Variants in ST18 observed in about 807,000 individuals in gnomAD.
ST18 encodes ST18 C2H2C-type zinc finger transcription factor.
In ST18, 50 loss-of-function variants were observed where a neutral mutation model predicts 110.0. That is an observed-to-expected ratio of 0.45 (90% confidence interval 0.36 to 0.58). ST18 has a LOEUF of 0.58. ST18 is among the 20% of genes least tolerant of loss of function. The pLI is 0.00. For synonymous variants in ST18, 461 were observed against 452.4 expected, an observed-to-expected ratio of 1.02 and a Z score of -0.24; for missense variants, 1,306 against 1,280.1, an observed-to-expected ratio of 1.02 and a Z score of -0.31.
At chr8:52,240,518 G>A (rs2093295767) in intron 2 of ST18, among the ~76,000 whole-genome samples, 1 of 151,948 alleles carries the variant, frequency 6.6e-6, no homozygotes, top group African/African-American at 2.4e-5. Context: ...TCTAAGGATG[G>A]GTTCTCCACT....
intron 2 of ST18, chr8:52,406,869 G>A (rs1313893745): frequency 5.3e-5 from 8 of 152,200 alleles, no homozygotes; most frequent in Non-Finnish European, 8.8e-5. Context: ...AAGATCTGAA[G>A]TTAACAGGAG....
intron 9 of ST18, among the ~76,000 whole-genome samples, chr8:52,176,116 G>A (rs2066841422): frequency 1.3e-5 from 2 of 151,978 alleles, no homozygotes; most frequent in Admixed American, 1.3e-4. Flanking sequence ...CCGCCTCCCA[G>A]GTACAAGTGA....
At chr8:52,113,420 G>A in intron 25 of ST18, 82 bp from the exon 26 acceptor site, 4 of 1,550,956 alleles carry the variant, frequency 2.6e-6, no homozygotes, top group Non-Finnish European at 3.5e-6. Flanking sequence ...TCGAAGATCA[G>A]TGATCCGGGA....
intron 8 of ST18, among the ~76,000 whole-genome samples, chr8:52,195,918 T>C (rs2076055802): frequency 6.6e-6 from 1 of 152,190 alleles, no homozygotes; most frequent in Admixed American, 6.5e-5. Flanking sequence ...TATTTGTATA[T>C]ATCATCTCAG....
intron 2 of ST18, among the ~76,000 whole-genome samples, chr8:52,271,384 T>C (rs1229818428): frequency 6.6e-6 from 1 of 152,196 alleles, no homozygotes; most frequent in East Asian, 1.9e-4. Flanking sequence ...TGGTGTTGAA[T>C]AGCTTTCAAA....
chr8:52,203,736 T>A (rs547007988), intron 8 of ST18, among the ~76,000 whole-genome samples: 1 of 152,298 alleles, frequency 6.6e-6, no homozygotes, highest in Admixed American at 6.5e-5. Flanking sequence ...AGATAGGCAG[T>A]CAAATAATTT....
chr8:52,313,915 G>A (rs146118562), intron 2 of ST18, among the ~76,000 whole-genome samples: 1,570 of 152,320 alleles, frequency 0.01, 20 homozygotes, highest in Admixed American at 0.029. Context: ...AAGGAAAAGT[G>A]GAGACCCTTG....
chr8:52,242,645 C>G (rs1474629807), intron 2 of ST18, among the ~76,000 whole-genome samples: 5 of 152,056 alleles, frequency 3.3e-5, no homozygotes, highest in Non-Finnish European at 1.5e-5. Flanking sequence ...TCAAGACCAG[C>G]CTGCCTGGCC....
intron 2 of ST18, among the ~76,000 whole-genome samples, chr8:52,273,432 C>T (rs1270558915): frequency 1.3e-5 from 2 of 152,162 alleles, no homozygotes; most frequent in Admixed American, 1.3e-4. Flanking sequence ...TGAGAGCCCC[C>T]AGACCCCCAA....
At chr8:52,193,755 C>G (rs2075316699) in intron 8 of ST18, among the ~76,000 whole-genome samples, 1 of 152,188 alleles carries the variant, frequency 6.6e-6, no homozygotes, top group Non-Finnish European at 1.5e-5. Context: ...TTCACTTTTA[C>G]CCAGTGAGGA....
chr8:52,348,990 T>C (rs756166582), intron 2 of ST18, among the ~76,000 whole-genome samples: 3 of 151,990 alleles, frequency 2.0e-5, no homozygotes, highest in Non-Finnish European at 4.4e-5. Flanking sequence ...TTGACCAACA[T>C]CTCCCCCATG....
intron 2 of ST18, among the ~76,000 whole-genome samples, chr8:52,283,177 C>T (rs2095414721): frequency 6.6e-6 from 1 of 152,136 alleles, no homozygotes; most frequent in Non-Finnish European, 1.5e-5. Context: ...AAAGATGGCT[C>T]CAAAGTTTTG....
At chr8:52,152,231 G>A (rs543823667) in intron 15 of ST18, among the ~76,000 whole-genome samples, 102 of 152,244 alleles carry the variant, frequency 6.7e-4, no homozygotes, top group South Asian at 2.3e-3. Context: ...ACCAGAGAAG[G>A]GTCCCTTTCT....
chr8:52,321,272 C>G (rs1803786468), intron 2 of ST18, among the ~76,000 whole-genome samples: 1 of 152,106 alleles, frequency 6.6e-6, no homozygotes, highest in African/African-American at 2.4e-5. Flanking sequence ...CTAGGATGAC[C>G]ATTCAATTTC....
intron 2 of ST18, among the ~76,000 whole-genome samples, chr8:52,305,079 C>T (rs1589758511): frequency 6.6e-6 from 1 of 152,278 alleles, no homozygotes; most frequent in East Asian, 1.9e-4. Context: ...ATCATTTAAA[C>T]ATAAATAATA....
At chr8:52,322,539 G>A (rs537272851) in intron 2 of ST18, among the ~76,000 whole-genome samples, 1 of 152,052 alleles carries the variant, frequency 6.6e-6, no homozygotes, top group East Asian at 1.9e-4. Context: ...TACATAATGT[G>A]GTTATTTCCT....
intron 2 of ST18, among the ~76,000 whole-genome samples, chr8:52,281,711 G>A (rs1035576823): frequency 6.6e-6 from 1 of 152,180 alleles, no homozygotes; most frequent in Non-Finnish European, 1.5e-5. Flanking sequence ...ATACAACTCA[G>A]CCATAAAAGG....
At chr8:52,306,549 G>A (rs2095816179) in intron 2 of ST18, among the ~76,000 whole-genome samples, 1 of 152,232 alleles carries the variant, frequency 6.6e-6, no homozygotes, top group South Asian at 2.1e-4. Flanking sequence ...GGTGTGTGAG[G>A]TCAAAAGGGA....
At chr8:52,339,174 A>G (rs1233254425) in intron 2 of ST18, among the ~76,000 whole-genome samples, 1 of 152,114 alleles carries the variant, frequency 6.6e-6, no homozygotes. Context: ...CTGTAGCTGT[A>G]GGACTGAGTC....
Sources: gnomAD v4.1 joint callset for allele counts (sites outside exome capture counted in the v4.1 genomes callset) on GRCh38, gnomAD v4.1.1 for gene constraint, MANE v1.5 for transcripts, NCBI Gene and HGNC (gene_info 2026-07-23, HGNC 2026-07-21) for gene names.